The following CDKN2B-AS1 variants were observed in gnomAD, a reference collection of about 807,000 sequenced individuals.
CDKN2B-AS1 encodes CDKN2B and CDKN2A antisense cis and trans regulatory RNA 1.
At chr9:22,012,524 A>G (rs1821556991) in intron 1 of CDKN2B-AS1, 3 of 627,228 alleles carry the variant, frequency 4.8e-6, no homozygotes, top group Non-Finnish European at 9.1e-6. Flanking sequence ...CCTGCACCCC[A>G]AGAAGGTCAA....
chr9:22,011,584 A>C (rs1165031686), intron 1 of CDKN2B-AS1, among the ~76,000 whole-genome samples: 1 of 152,158 alleles, frequency 6.6e-6, no homozygotes, highest in Non-Finnish European at 1.5e-5. Context: ...TTTTTTTAGC[A>C]GCTGTCATGG....
intron 4 of CDKN2B-AS1, among the ~76,000 whole-genome samples, chr9:22,094,433 T>C (rs1309107139): frequency 6.9e-6 from 1 of 144,728 alleles, no homozygotes; most frequent in Non-Finnish European, 1.5e-5. Flanking sequence ...GGTTCCATTC[T>C]GCCCGTCACT....
At chr9:22,010,371 T>G (rs1821436610) in intron 1 of CDKN2B-AS1, among the ~76,000 whole-genome samples, 1 of 152,226 alleles carries the variant, frequency 6.6e-6, no homozygotes, top group African/African-American at 2.4e-5. Context: ...CTAAAAACTT[T>G]GGTGAGGAAC....
chr9:22,026,538 A>G (rs1456799492), intron 1 of CDKN2B-AS1, among the ~76,000 whole-genome samples: 1 of 152,294 alleles, frequency 6.6e-6, no homozygotes, highest in East Asian at 1.9e-4. Flanking sequence ...GGGAGGCACA[A>G]TGTTGCTACT....
chr9:22,089,910 T>C (rs910076948), intron 4 of CDKN2B-AS1, among the ~76,000 whole-genome samples: 1 of 152,158 alleles, frequency 6.6e-6, no homozygotes, highest in Non-Finnish European at 1.5e-5. Context: ...ATGTGCCATG[T>C]TGGTGTGCTG....
intron 4 of CDKN2B-AS1, chr9:22,117,969 TGA>T (rs1000838697): frequency 1.3e-5 from 2 of 152,308 alleles, no homozygotes; most frequent in African/African-American, 4.8e-5. Flanking sequence ...CCTGTAACAG[TGA>T]GGCAATTGGA....
rs1236872960 is a variant in CDKN2B-AS1 at position 22,000,092 on chromosome 9, C to T, written n.29+4931C>T. Among the ~76,000 whole-genome samples, 1 of 152,050 alleles carries T rather than the reference C, an allele frequency of 6.6e-6. No individual in the cohort carries two copies. Among genetic ancestry groups the T allele is most frequent in the Non-Finnish European group, 1.5e-5 (1 of 67,990 alleles). ...TGAGCAAGAATTATTAAATAACAAC[C>T]ACAGGAATATTGGGGCTCAAACCTA... is the stretch of plus-strand genomic sequence containing the variant. On this transcript the variant is annotated intron_variant and non_coding_transcript_variant, in intron 1 of 4. Coordinates refer to ENST00000650946, the Ensembl canonical transcript of CDKN2B-AS1. This position sits in a 1 kb window ranked among gnomAD's most constrained non-coding sequence, Gnocchi z 4.1.
chr9:22,089,943 T>C lies in CDKN2B-AS1; in HGVS notation n.438+33556T>C, dbSNP rs1449318724. The stretch of plus-strand genomic sequence containing the variant: ...CTGCACCCAGTAACTCGTCATTTAA[T>C]ATTAGGTATATCTCCTAATGCTATC... On this transcript the variant is annotated intron_variant and non_coding_transcript_variant, in intron 4 of 4. Coordinates refer to ENST00000650946, the Ensembl canonical transcript of CDKN2B-AS1. Among the ~76,000 whole-genome samples the C allele has an allele frequency of 4.6e-5, 7 of 151,988 alleles. No individual in the cohort carries two copies. The East Asian group carries it at 1.2e-3, about 25-fold the overall frequency.
intron 1 of CDKN2B-AS1, among the ~76,000 whole-genome samples, chr9:22,019,283 T>G (rs1396553495): frequency 6.6e-6 from 1 of 152,196 alleles, no homozygotes; most frequent in Non-Finnish European, 1.5e-5. Flanking sequence ...AAAAAATACT[T>G]GGAATGCATT....
intron 1 of CDKN2B-AS1, among the ~76,000 whole-genome samples, chr9:22,033,164 A>AC (rs1210520566): frequency 6.6e-6 from 1 of 151,902 alleles, no homozygotes; most frequent in Non-Finnish European, 1.5e-5. Flanking sequence ...AACCCAGAGC[A>AC]CCCCCCACCC....
At chr9:22,092,819 T>G (rs1825140152) in intron 4 of CDKN2B-AS1, among the ~76,000 whole-genome samples, 1 of 152,130 alleles carries the variant, frequency 6.6e-6, no homozygotes, top group Non-Finnish European at 1.5e-5. Flanking sequence ...GTGTCTCTAT[T>G]TCCTTCAGTT....
At chr9:22,092,449 G>A (rs1470816066) in intron 4 of CDKN2B-AS1, 1 of 152,112 alleles carries the variant, frequency 6.6e-6, no homozygotes, top group Non-Finnish European at 1.5e-5. Context: ...AATCCATCTG[G>A]TCCTGGACTT....
At chr9:22,095,216 G>T (rs1279083543) in intron 4 of CDKN2B-AS1, among the ~76,000 whole-genome samples, 1 of 144,856 alleles carries the variant, frequency 6.9e-6, no homozygotes. Flanking sequence ...GTGTCAGTCT[G>T]CCCCTACTGG....
At chr9:22,043,617 T>G (rs555312834) in intron 1 of CDKN2B-AS1, among the ~76,000 whole-genome samples, 1 of 152,116 alleles carries the variant, frequency 6.6e-6, no homozygotes, top group African/African-American at 2.4e-5. Flanking sequence ...TGTTTACGCT[T>G]TATTTCATTG....
At chr9:22,097,693 C>T (rs1587528650) in intron 4 of CDKN2B-AS1, among the ~76,000 whole-genome samples, 1 of 152,090 alleles carries the variant, frequency 6.6e-6, no homozygotes, top group East Asian at 1.9e-4. Context: ...GGTGAAGGCT[C>T]GCTGGAAAAC....
chr9:22,018,486 G>A (rs867157781), intron 1 of CDKN2B-AS1, among the ~76,000 whole-genome samples: 3 of 151,696 alleles, frequency 2.0e-5, no homozygotes, highest in South Asian at 4.2e-4. Context: ...GCGAAACCCC[G>A]TCTCTACTAA....
chr9:22,066,520 T>G (rs1287992458), intron 4 of CDKN2B-AS1, among the ~76,000 whole-genome samples: 1 of 151,996 alleles, frequency 6.6e-6, no homozygotes, highest in Non-Finnish European at 1.5e-5. Flanking sequence ...AATTACATTT[T>G]CTGCCTTAGT....
intron 3 of CDKN2B-AS1, among the ~76,000 whole-genome samples, chr9:22,056,071 G>A (rs1222745021): frequency 1.3e-5 from 2 of 148,148 alleles, no homozygotes; most frequent in South Asian, 2.1e-4. Flanking sequence ...TTGAGACGGA[G>A]TCTTGCAGTG....
At chr9:22,070,368 T>C (rs906756162) in intron 4 of CDKN2B-AS1, among the ~76,000 whole-genome samples, 5 of 152,090 alleles carry the variant, frequency 3.3e-5, no homozygotes, top group African/African-American at 1.2e-4. Flanking sequence ...AATAAAATAG[T>C]TTTTTCCCTC....
Sources: allele counts gnomAD v4.1 joint callset (sites outside exome capture counted in the v4.1 genomes callset), GRCh38; gene constraint gnomAD v4.1.1; non-coding constraint Gnocchi (gnomAD v3.1); transcripts MANE v1.5; gene names NCBI Gene and HGNC (gene_info 2026-07-23, HGNC 2026-07-21).